The following GLIS3 variants were observed in gnomAD, a reference collection of about 807,000 sequenced individuals.
The protein encoded by GLIS3 is zinc finger protein GLIS3.
A neutral mutation model predicts 78.6 loss-of-function variants in GLIS3; 53 were observed. The observed-to-expected ratio is 0.67, with a 90% CI of 0.54 to 0.85. The LOEUF (loss-of-function observed/expected upper bound fraction) is 0.85, where lower values mean the gene tolerates loss of function less well. Among genes scored for constraint, GLIS3 ranks in the 40% least tolerant of loss-of-function variants. GLIS3 has a pLI of 0.00. For missense variants in GLIS3, 1,703 were observed against 1,231.1 expected, an observed-to-expected ratio of 1.38 and a Z score of -5.74; for synonymous variants, 684 against 509.9, an observed-to-expected ratio of 1.34 and a Z score of -4.60.
upstream of GLIS3, among the ~76,000 whole-genome samples, chr9:4,348,554 G>C (rs1039899494): frequency 6.6e-6 from 1 of 152,162 alleles, no homozygotes; most frequent in South Asian, 2.1e-4. Flanking sequence ...ACTCCAAGGA[G>C]GCTGGGAGAT....
intron 2 of GLIS3, among the ~76,000 whole-genome samples, chr9:4,168,947 G>C (rs1425436472): frequency 6.6e-6 from 1 of 152,128 alleles, no homozygotes; most frequent in Admixed American, 6.5e-5. Context: ...CAGCAATGTA[G>C]AAAAAATATG....
chr9:4,192,542 C>G (rs1167551232), intron 2 of GLIS3, among the ~76,000 whole-genome samples: 1 of 152,218 alleles, frequency 6.6e-6, no homozygotes, highest in Non-Finnish European at 1.5e-5. Context: ...TGTGAACTCA[C>G]CAACAGCTTG....
chr9:3,926,234 T>A (rs924402579), intron 6 of GLIS3, among the ~76,000 whole-genome samples: 1 of 47,652 alleles, frequency 2.1e-5, no homozygotes, highest in East Asian at 4.9e-4. Context: ...TTTTCTTTTG[T>A]TTTTTTTTTT....
chr9:3,828,591 C>T (rs1035095186), intron 10 of GLIS3, among the ~76,000 whole-genome samples, 183 bp from the exon 11 acceptor site: 1 of 152,152 alleles, frequency 6.6e-6, no homozygotes, highest in Non-Finnish European at 1.5e-5. Flanking sequence ...GGCTGACTTG[C>T]AGGCAGCTGG....
At chr9:4,161,074 T>A (rs2131082528) in intron 2 of GLIS3, among the ~76,000 whole-genome samples, 3 of 86,518 alleles carry the variant, frequency 3.5e-5, no homozygotes, top group South Asian at 7.8e-4. Context: ...TGAGACCCCA[T>A]CTCTTAAAAA....
intron 4 of GLIS3, among the ~76,000 whole-genome samples, chr9:4,016,648 G>C (rs1379697447): frequency 6.6e-6 from 1 of 152,144 alleles, no homozygotes; most frequent in African/African-American, 2.4e-5. Flanking sequence ...ATCTCATTCA[G>C]GGAAGGCTCT....
the GLIS3 span, among the ~76,000 whole-genome samples, chr9:4,457,424 T>C: frequency 6.6e-6 from 1 of 152,022 alleles, no homozygotes; most frequent in Non-Finnish European, 1.5e-5. Flanking sequence ...TTGCACCCTC[T>C]GGAAGGAGGA....
chr9:4,163,866 C>T (rs1028719449), intron 2 of GLIS3, among the ~76,000 whole-genome samples: 1 of 152,142 alleles, frequency 6.6e-6, no homozygotes, highest in Non-Finnish European at 1.5e-5. Flanking sequence ...ATAATAATAA[C>T]AACATATAAT....
intron 1 of GLIS3, among the ~76,000 whole-genome samples, chr9:4,288,877 A>G (rs541122740): frequency 4.6e-5 from 7 of 152,218 alleles, no homozygotes; most frequent in Non-Finnish European, 7.3e-5. Flanking sequence ...AGACAAAAAT[A>G]AAAGAAACTA....
chr9:4,434,954 T>C, the GLIS3 span, among the ~76,000 whole-genome samples: 1 of 152,168 alleles, frequency 6.6e-6, no homozygotes, highest in Non-Finnish European at 1.5e-5. Flanking sequence ...AATCAAGAGT[T>C]ATACTCAAGA....
intron 1 of GLIS3, among the ~76,000 whole-genome samples, chr9:4,292,825 T>G (rs1816137608): frequency 6.6e-6 from 1 of 152,220 alleles, no homozygotes; most frequent in African/African-American, 2.4e-5. Context: ...ACACACAATG[T>G]CTTTGAGAAC....
At chr9:4,421,903 A>G in the GLIS3 span, among the ~76,000 whole-genome samples, 1 of 152,244 alleles carries the variant, frequency 6.6e-6, no homozygotes, top group South Asian at 2.1e-4. Context: ...GTCATTAAAC[A>G]TGAGTAGGAA....
At chr9:3,997,101 A>C (rs1367231424) in intron 4 of GLIS3, among the ~76,000 whole-genome samples, 1 of 152,186 alleles carries the variant, frequency 6.6e-6, no homozygotes, top group Non-Finnish European at 1.5e-5. Flanking sequence ...TAATCCCAGC[A>C]CTTTGGGAGG....
At position 4,256,060 on chromosome 9, in the gene GLIS3, A is replaced by T. The variant is rs573849490; in HGVS notation, c.388+29978T>A. Among the ~76,000 whole-genome samples, 5 of 152,302 alleles carry T rather than the reference A, an allele frequency of 3.3e-5. No individual in the cohort carries two copies. The East Asian group carries it at 9.6e-4, about 29-fold the overall frequency. Reference sequence around the variant, plus strand: ...TATTTTTTTTTTAAAAAAGGATAACAAACTTGCCCAAGCCCTTATTTAAAA... The same window carrying T: ...TATTTTTTTTTTAAAAAAGGATAACTAACTTGCCCAAGCCCTTATTTAAAA... On this transcript the variant is annotated intron_variant, in intron 2 of 10. Transcript: ENST00000381971.
chr9:4,203,596 G>C (rs1586966219), intron 2 of GLIS3, among the ~76,000 whole-genome samples: 1 of 152,114 alleles, frequency 6.6e-6, no homozygotes, highest in African/African-American at 2.4e-5. Context: ...TCCCATTACT[G>C]GATCTGGGTA....
At chr9:4,412,515 G>C in the GLIS3 span, among the ~76,000 whole-genome samples, 1 of 152,140 alleles carries the variant, frequency 6.6e-6, no homozygotes, top group Non-Finnish European at 1.5e-5. Flanking sequence ...TTGTATCTCT[G>C]TGTATTCCCC....
chr9:4,391,184 T>C, the GLIS3 span, among the ~76,000 whole-genome samples: 1 of 152,138 alleles, frequency 6.6e-6, no homozygotes, highest in African/African-American at 2.4e-5. Flanking sequence ...TGAGGCTTCC[T>C]CTGATCCCCC....
At position 4,125,924 on chromosome 9, in the gene GLIS3, G is replaced by A. The variant is rs1433737017; in HGVS notation, c.406C>T (p.Pro136Ser). The change falls in exon 3 of 11, where the codon CCT becomes TCT. Residue 136 changes from proline (P) to serine (S), a missense_variant. Transcript: ENST00000381971. ...NPGKGALGFG[P>S]QCKSIGKGSC... is the part of the protein sequence containing the mutation. Reference sequence around the variant, plus strand: ...CCTTTTCCAATGGACTTGCACTGAGGCCCAAAGCCAAGAGCCCCTAAAAAC... The same window carrying A: ...CCTTTTCCAATGGACTTGCACTGAGACCCAAAGCCAAGAGCCCCTAAAAAC... The A allele has an allele frequency of 2.5e-6, 4 of 1,613,628 alleles. No homozygotes were observed. The highest frequency in any genetic ancestry group is 3.4e-6 in the Non-Finnish European group (4 of 1,179,830).
chr9:3,869,531 T>C (rs1386685409), intron 8 of GLIS3, among the ~76,000 whole-genome samples: 3 of 152,198 alleles, frequency 2.0e-5, no homozygotes, highest in Non-Finnish European at 4.4e-5. Context: ...TGAATGTATA[T>C]ATTAGAGCAA....
Sources: allele counts gnomAD v4.1 joint callset (sites outside exome capture counted in the v4.1 genomes callset), GRCh38; gene constraint gnomAD v4.1.1; transcripts MANE v1.5; gene names NCBI Gene and HGNC (gene_info 2026-07-23, HGNC 2026-07-21).